The following CNTN3 variants were observed in gnomAD, a reference collection of about 807,000 sequenced individuals.
CNTN3 encodes the protein contactin-3.
In CNTN3, 60 loss-of-function variants were observed where a neutral mutation model predicts 119.1. The observed-to-expected ratio is 0.50, with a 90% CI of 0.41 to 0.62. The LOEUF (loss-of-function observed/expected upper bound fraction) is 0.62, where lower values mean the gene tolerates loss of function less well. CNTN3 is among the 20% of genes least tolerant of loss of function. The pLI, the probability that CNTN3 is intolerant of heterozygous loss-of-function variation, is 0.00. For synonymous variants in CNTN3, 450 were observed against 438.7 expected, an observed-to-expected ratio of 1.03 and a Z score of -0.32; for missense variants, 1,101 against 1,242.4, an observed-to-expected ratio of 0.89 and a Z score of 1.71.
intron 13 of CNTN3, among the ~76,000 whole-genome samples, chr3:74,307,173 G>C (rs1702582035): frequency 6.6e-6 from 1 of 152,100 alleles, no homozygotes; most frequent in South Asian, 2.1e-4. Flanking sequence ...AGCTGAATGG[G>C]GTGGACAGGG....
chr3:74,453,843 T>A (rs368880133), intron 4 of CNTN3, among the ~76,000 whole-genome samples: 2 of 152,318 alleles, frequency 1.3e-5, no homozygotes, highest in East Asian at 3.9e-4. Flanking sequence ...AGTTTCTTAA[T>A]CTTGAGTTCT....
chr3:74,605,749 A>C (rs1034287556), intron 1 of CNTN3, among the ~76,000 whole-genome samples: 1 of 152,164 alleles, frequency 6.6e-6, no homozygotes, highest in Non-Finnish European at 1.5e-5. Flanking sequence ...AGTGTGCAAG[A>C]ATAGAAGCTC....
At chr3:74,529,123 G>T (rs1298214982) in intron 1 of CNTN3, among the ~76,000 whole-genome samples, 1 of 151,800 alleles carries the variant, frequency 6.6e-6, no homozygotes, top group Non-Finnish European at 1.5e-5. Context: ...AGCTAACTCT[G>T]GGGAGGAAAA....
chr3:74,345,109 T>C (rs181091019), intron 11 of CNTN3, among the ~76,000 whole-genome samples: 19 of 152,314 alleles, frequency 1.2e-4, no homozygotes, highest in African/African-American at 3.8e-4. Context: ...GATGGGTTCC[T>C]TACAAATTAT....
intron 4 of CNTN3, among the ~76,000 whole-genome samples, chr3:74,428,544 T>A (rs551974210): frequency 6.6e-6 from 1 of 152,192 alleles, no homozygotes. Flanking sequence ...AAGAAAATAG[T>A]TTAGTAAAGC....
chr3:74,510,616 T>C (rs1420381118), intron 2 of CNTN3, among the ~76,000 whole-genome samples: 1 of 151,962 alleles, frequency 6.6e-6, no homozygotes, highest in Non-Finnish European at 1.5e-5. Context: ...AAATGCTGAG[T>C]TCTGCTTGGT....
intron 1 of CNTN3, among the ~76,000 whole-genome samples, chr3:74,524,863 C>T (rs1703593679): frequency 1.3e-5 from 2 of 151,708 alleles, no homozygotes; most frequent in Non-Finnish European, 2.9e-5. Flanking sequence ...TATGCAAAGG[C>T]CCTGTGGCTT....
intron 4 of CNTN3, among the ~76,000 whole-genome samples, chr3:74,460,678 G>A (rs990477005): frequency 9.3e-5 from 14 of 149,866 alleles, no homozygotes; most frequent in African/African-American, 3.2e-4. Context: ...GGATACTTTT[G>A]TAGATTCCTT....
rs559137831 is a variant in CNTN3, at chr3:74,569,731, G to C, written c.-81+44660C>G. Among the ~76,000 whole-genome samples the C allele has an allele frequency of 2.6e-5, 4 of 152,220 alleles. No homozygotes were observed. In the South Asian group the frequency reaches 8.3e-4, roughly 32 times the overall value. On this transcript the variant is annotated intron_variant, in intron 1 of 22. Coordinates refer to ENST00000263665, the MANE Select transcript of CNTN3 (RefSeq NM_020872.3). ...TTTCACACGGTTTGCATGAGTCAAG[G>C]GTCTGAGCACATTTTAGCTGTGTCC... is the stretch of plus-strand genomic sequence containing the variant.
chr3:74,467,494 A>G (rs929656044), intron 4 of CNTN3, among the ~76,000 whole-genome samples: 8 of 152,180 alleles, frequency 5.3e-5, no homozygotes, highest in Admixed American at 5.2e-4. Context: ...TAAGCATTAA[A>G]CCAGGACTCA....
At chr3:74,479,276 A>G (rs1474612584) in intron 4 of CNTN3, among the ~76,000 whole-genome samples, 2 of 119,834 alleles carry the variant, frequency 1.7e-5, no homozygotes, top group African/African-American at 4.0e-5. Context: ...TCGACCCATA[A>G]CAAATCAAGT....
rs1575791066 is a variant in CNTN3 at position 74,505,495 on chromosome 3, GCATA to G, written c.56-5714_56-5711del. ...GTATAAAATATATATTTATATATGT[GCATA>G]AATACACACACACACACACACACAC... On this transcript the variant is annotated intron_variant, in intron 2 of 22. Transcript: ENST00000263665. 4.5e-5 allele frequency among the ~76,000 whole-genome samples: 6 copies of G among 133,806 alleles called. 1 individual carries two copies. The highest frequency in any genetic ancestry group is 5.4e-4 in the East Asian group (2 of 3,726). The allele number at this position is 133,806 out of a possible 152,430, so 87.8% of individuals were successfully genotyped here.
intron 1 of CNTN3, among the ~76,000 whole-genome samples, chr3:74,596,605 A>C (rs1261370640): frequency 6.6e-6 from 1 of 152,148 alleles, no homozygotes; most frequent in African/African-American, 2.4e-5. Context: ...CCTATTTAAT[A>C]AATGGTGCTG....
chr3:74,321,997 C>G (rs1339388140), intron 13 of CNTN3, among the ~76,000 whole-genome samples: 1 of 151,904 alleles, frequency 6.6e-6, no homozygotes, highest in Non-Finnish European at 1.5e-5. Context: ...ATCAGACTGG[C>G]CAACATGGTG....
At chr3:74,556,988 T>C (rs79693736) in intron 1 of CNTN3, among the ~76,000 whole-genome samples, 5,634 of 152,260 alleles carry the variant, frequency 0.037, 136 homozygotes, top group South Asian at 0.069. Flanking sequence ...AACAGGTTTG[T>C]CTTTTTATTG....
At chr3:74,580,401 A>T (rs950236175) in intron 1 of CNTN3, among the ~76,000 whole-genome samples, 2 of 152,212 alleles carry the variant, frequency 1.3e-5, no homozygotes, top group Admixed American at 6.5e-5. Flanking sequence ...CATTATCATG[A>T]TACCAAAAAG....
chr3:74,353,542 G>C (rs1703864189), intron 11 of CNTN3, among the ~76,000 whole-genome samples: 1 of 152,166 alleles, frequency 6.6e-6, no homozygotes, highest in African/African-American at 2.4e-5. Context: ...GGATCACGAG[G>C]TCAGGAGATC....
chr3:74,424,927 A>T lies in CNTN3; in HGVS notation c.372T>A (p.Phe124Leu). 6.2e-7 allele frequency: 1 copy of T among 1,601,454 alleles called. No homozygotes were observed. The highest frequency in any genetic ancestry group is 8.5e-7 in the Non-Finnish European group (1 of 1,174,580). Residue 124 changes from phenylalanine to leucine, a missense_variant, in exon 5 of 23, where the codon TTT becomes TTA. Phe to Leu is a conservative substitution (Grantham distance 22). Transcript: ENST00000263665. ...AKLQFAYLEN[F>L]KTKMRSTVSV... ...ACACTGTACTCCTCATTTTGGTTTT[A>T]AAATTTTCAAGATCTGATTTGAAAA... is the stretch of plus-strand genomic sequence containing the variant.
chr3:74,462,336 T>A (rs1014538763), intron 4 of CNTN3, among the ~76,000 whole-genome samples: 1 of 152,084 alleles, frequency 6.6e-6, no homozygotes, highest in Admixed American at 6.6e-5. Flanking sequence ...TACAAAGACA[T>A]AGAAGACCTA....
Sources: allele counts gnomAD v4.1 joint callset (sites outside exome capture counted in the v4.1 genomes callset), GRCh38; gene constraint gnomAD v4.1.1; transcripts MANE v1.5; gene names NCBI Gene and HGNC (gene_info 2026-07-23, HGNC 2026-07-21).